The following DOCK4 variants were observed in gnomAD, a reference collection of about 807,000 sequenced individuals.
DOCK4 encodes dedicator of cytokinesis protein 4.
DOCK4 carries 97 observed loss-of-function variants against 268.1 expected under a neutral mutation model. The ratio of observed to expected loss-of-function variants is 0.36; its 90% CI spans 0.31 to 0.43. The LOEUF (loss-of-function observed/expected upper bound fraction) is 0.43. Among genes scored for constraint, DOCK4 ranks in the 20% least tolerant of loss-of-function variants. The pLI is 1.00. For synonymous variants in DOCK4, 954 were observed against 887.2 expected, an observed-to-expected ratio of 1.08 and a Z score of -1.34; for missense variants, 2,145 against 2,455.7, an observed-to-expected ratio of 0.87 and a Z score of 2.67.
intron 1 of DOCK4, among the ~76,000 whole-genome samples, chr7:112,099,350 C>T (rs1249614472): frequency 6.6e-6 from 1 of 151,204 alleles, no homozygotes; most frequent in Non-Finnish European, 1.5e-5. Context: ...TTGGCAATGG[C>T]CAAACCTGAT....
chr7:112,026,452 G>A (rs936461001), intron 1 of DOCK4, among the ~76,000 whole-genome samples: 13 of 152,110 alleles, frequency 8.5e-5, no homozygotes, highest in Non-Finnish European at 1.0e-4. Context: ...ACTGGTCCCC[G>A]GTGCCAAAAA....
intron 12 of DOCK4, among the ~76,000 whole-genome samples, chr7:111,925,484 C>T (rs564755977): frequency 1.3e-5 from 2 of 152,186 alleles, no homozygotes; most frequent in East Asian, 3.9e-4. Context: ...GAGCAAAAGC[C>T]AGAATATTAG....
chr7:111,827,260 G>A (rs556585555), intron 26 of DOCK4, among the ~76,000 whole-genome samples: 29 of 152,098 alleles, frequency 1.9e-4, no homozygotes, highest in African/African-American at 4.1e-4. Flanking sequence ...CCAAATGATC[G>A]TCCATCTTTT....
intron 5 of DOCK4, among the ~76,000 whole-genome samples, chr7:111,991,914 T>C (rs902028035): frequency 3.9e-5 from 5 of 129,456 alleles, no homozygotes; most frequent in Non-Finnish European, 7.7e-5. Flanking sequence ...TGAGCCAAGA[T>C]TGCGCCACTG....
intron 30 of DOCK4, among the ~76,000 whole-genome samples, chr7:111,792,394 T>C (rs1799609273): frequency 6.6e-6 from 1 of 152,126 alleles, no homozygotes; most frequent in Non-Finnish European, 1.5e-5. Flanking sequence ...TTGTTGTTGT[T>C]GTTATTGAGA....
chr7:112,123,068 C>G (rs369871882), intron 1 of DOCK4, among the ~76,000 whole-genome samples: 25 of 152,168 alleles, frequency 1.6e-4, no homozygotes, highest in African/African-American at 5.8e-4. Context: ...AGCTTCTATG[C>G]CTTCCTGGCA....
intron 23 of DOCK4, among the ~76,000 whole-genome samples, chr7:111,854,456 T>A (rs2134135995): frequency 6.6e-6 from 1 of 152,280 alleles, no homozygotes; most frequent in East Asian, 1.9e-4. Context: ...CTCGGGGAGC[T>A]CAGTTTTTGA....
intron 1 of DOCK4, among the ~76,000 whole-genome samples, chr7:112,005,878 T>A (rs75438274): frequency 6.6e-6 from 1 of 152,204 alleles, no homozygotes; most frequent in African/African-American, 2.4e-5. Context: ...ATTTCTTCAC[T>A]TTCCTCAGCC....
intron 1 of DOCK4, among the ~76,000 whole-genome samples, chr7:112,107,830 A>C (rs1034753782): frequency 6.6e-5 from 10 of 152,208 alleles, no homozygotes; most frequent in African/African-American, 2.2e-4. Flanking sequence ...GCAGCCAGTC[A>C]CTCACTTTGG....
intron 1 of DOCK4, among the ~76,000 whole-genome samples, chr7:112,054,631 GAA>G (rs1176013858): frequency 2.0e-5 from 3 of 151,902 alleles, no homozygotes; most frequent in Non-Finnish European, 2.9e-5. Flanking sequence ...CTTGTAGGGA[GAA>G]AAAAAGATGT....
intron 26 of DOCK4, among the ~76,000 whole-genome samples, chr7:111,831,043 C>T (rs1368880826): frequency 6.6e-6 from 1 of 152,022 alleles, no homozygotes; most frequent in Non-Finnish European, 1.5e-5. Context: ...TTATTATTCA[C>T]TGGCTGACAG....
intron 1 of DOCK4, among the ~76,000 whole-genome samples, chr7:112,057,563 A>T (rs1317727371): frequency 3.9e-5 from 6 of 151,974 alleles, no homozygotes; most frequent in African/African-American, 1.5e-4. Flanking sequence ...AAAATAAAAA[A>T]AAAAAAAATG....
At chr7:112,044,913 G>C (rs1211390865) in intron 1 of DOCK4, among the ~76,000 whole-genome samples, 3 of 152,046 alleles carry the variant, frequency 2.0e-5, no homozygotes, top group African/African-American at 7.2e-5. Flanking sequence ...CCAGCCCTCA[G>C]ACCATGAGCC....
chr7:111,744,626 G>A (rs1796145825), intron 44 of DOCK4, among the ~76,000 whole-genome samples: 1 of 152,222 alleles, frequency 6.6e-6, no homozygotes, highest in African/African-American at 2.4e-5. Flanking sequence ...GAATCCAGCA[G>A]ATACAGTCCT....
In DOCK4 at chr7:111,973,907, ACACT is replaced by A. The variant is rs372053006; in HGVS notation, c.701+3221_701+3224del. Among the ~76,000 whole-genome samples the A allele has an allele frequency of 2.5e-3, 383 of 152,322 alleles. 2 individuals are homozygous for A. Among genetic ancestry groups the A allele is most frequent in the African/African-American group, 9.0e-3 (375 of 41,564 alleles). ...TTTAAAAGAAATACAAAATTTTAAA[ACACT>A]CACAAATAAGAAGAAATATAACAAT... On this transcript the variant is annotated intron_variant, in intron 8 of 52. Transcript: ENST00000428084.
At position 111,753,009 on chromosome 7, in the gene DOCK4, G is replaced by GT. The variant is rs917042957; in HGVS notation, c.4416+2505_4416+2506insA. Among the ~76,000 whole-genome samples, 25 of 146,240 alleles carry GT rather than the reference G, an allele frequency of 1.7e-4. No homozygotes were observed. In the East Asian group the frequency reaches 5.1e-3, roughly 30 times the overall value. Reference sequence around the variant, plus strand: ...TAACAAAAGTTGATAAGCTATTGGGGGGGGGGTCTGTGATTTAGAAAATAA... The same window carrying GT: ...TAACAAAAGTTGATAAGCTATTGGGGTGGGGGGTCTGTGATTTAGAAAATAA... On this transcript the variant is annotated intron_variant, in intron 42 of 52. Coordinates refer to ENST00000428084, the MANE Select transcript of DOCK4 (RefSeq NM_001363540.2).
intron 1 of DOCK4, among the ~76,000 whole-genome samples, chr7:112,187,698 T>G (rs1258265944): frequency 6.6e-6 from 1 of 152,178 alleles, no homozygotes; most frequent in Non-Finnish European, 1.5e-5. Flanking sequence ...CAATGATTAA[T>G]AGTCATAATT....
rs185479905 is a variant in DOCK4, at chr7:111,839,970, T to C, written c.2736+4793A>G. ...TTGTTTTTAAGATATTTTAAGAATG[T>C]ATCTGTATGAAAATCCTAGACTCAT... is the stretch of plus-strand genomic sequence containing the variant. On this transcript the variant is annotated intron_variant, in intron 25 of 52. Coordinates refer to ENST00000428084, the MANE Select transcript of DOCK4 (RefSeq NM_001363540.2). 5.1e-3 allele frequency among the ~76,000 whole-genome samples: 775 copies of C among 152,320 alleles called. 9 individuals are homozygous for C. The highest frequency in any genetic ancestry group is 7.2e-3 in the Non-Finnish European group (493 of 68,024).
chr7:111,910,670 C>A (rs1436651946), intron 13 of DOCK4, among the ~76,000 whole-genome samples: 1 of 152,182 alleles, frequency 6.6e-6, no homozygotes, highest in Admixed American at 6.5e-5. Flanking sequence ...AATGATGTTC[C>A]TACTGGAAAG....
Sources: gnomAD v4.1 joint callset for allele counts (sites outside exome capture counted in the v4.1 genomes callset) on GRCh38, gnomAD v4.1.1 for gene constraint, MANE v1.5 for transcripts, NCBI Gene and HGNC (gene_info 2026-07-23, HGNC 2026-07-21) for gene names.